The following LHFPL3 variants were observed in gnomAD, a reference collection of about 807,000 sequenced individuals.
The protein encoded by LHFPL3 is LHFPL tetraspan subfamily member 3 protein.
Under a neutral mutation model 19.3 loss-of-function variants are expected in LHFPL3, and 5 were observed. The observed-to-expected ratio is 0.26, with a 90% CI of 0.14 to 0.54. The LOEUF is 0.54. LHFPL3 is among the 20% of genes least tolerant of loss of function. LHFPL3 has a pLI of 0.94. For missense variants in LHFPL3, 249 were observed against 307.4 expected (o/e 0.81, Z 1.42); for synonymous variants, 133 against 126.2 (o/e 1.05, Z -0.36).
chr7:104,763,931 A>G lies in LHFPL3; in HGVS notation c.682+27020A>G, dbSNP rs559647049. On this transcript the variant is annotated intron_variant, in intron 2 of 2. Transcript: ENST00000424859. ...TAACTAATCCAGAAGGAAATTTCCAATAAGGATACATGGAAATATCACCTA... is the reference window on the plus strand; with the variant it reads ...TAACTAATCCAGAAGGAAATTTCCAGTAAGGATACATGGAAATATCACCTA... Among the ~76,000 whole-genome samples, 3 of 152,338 alleles carry G rather than the reference A, an allele frequency of 2.0e-5. No individual in the cohort carries two copies. The South Asian group carries it at 6.2e-4, about 32-fold the overall frequency.
intron 2 of LHFPL3, among the ~76,000 whole-genome samples, chr7:104,804,436 G>A (rs1790315100): frequency 6.6e-6 from 1 of 152,202 alleles, no homozygotes; most frequent in African/African-American, 2.4e-5. Flanking sequence ...GACCCCCAGT[G>A]ATCTCCACCT....
chr7:104,631,311 A>G (rs757260722), intron 1 of LHFPL3, among the ~76,000 whole-genome samples: 29 of 151,988 alleles, frequency 1.9e-4, no homozygotes, highest in Non-Finnish European at 4.0e-4. Flanking sequence ...GTGTAAAACC[A>G]TATTCACTAT....
chr7:104,768,745 G>T (rs2116391095), intron 2 of LHFPL3: 1 of 152,306 alleles, frequency 6.6e-6, no homozygotes, highest in East Asian at 1.9e-4. Flanking sequence ...CAACTTTGTT[G>T]CCACCTTCCA....
intron 1 of LHFPL3, among the ~76,000 whole-genome samples, chr7:104,447,573 A>G (rs966606351): frequency 6.6e-6 from 1 of 152,068 alleles, no homozygotes; most frequent in African/African-American, 2.4e-5. Flanking sequence ...GCATTTTCTT[A>G]GTATTGTATT....
intron 1 of LHFPL3, among the ~76,000 whole-genome samples, chr7:104,497,369 T>TTTTGAACA (rs1400648554): frequency 3.3e-5 from 5 of 150,178 alleles, no homozygotes; most frequent in African/African-American, 1.2e-4. Context: ...TAAAGTTTTC[T>TTTTGAACA]TTTGAACATT....
At chr7:104,595,899 G>A (rs1790842483) in intron 1 of LHFPL3, among the ~76,000 whole-genome samples, 1 of 152,274 alleles carries the variant, frequency 6.6e-6, no homozygotes, top group African/African-American at 2.4e-5. Context: ...TTGTCTGCCG[G>A]TTGCTAAGAC....
rs112543248 is a variant in LHFPL3 at position 104,667,264 on chromosome 7, T to TGGG, written c.446-69404_446-69402dup. Among the ~76,000 whole-genome samples, 1,470 of 148,110 alleles carry TGGG rather than the reference T, an allele frequency of 9.9e-3. 25 individuals are homozygous for TGGG. The highest frequency in any genetic ancestry group is 0.035 in the African/African-American group (1,368 of 38,888). ...CCCCTCCTACAATCATCTGTTTTCT[T>TGGG]GGGGGGGGGAATCTTTAATTGGCTT... On this transcript the variant is annotated intron_variant, in intron 1 of 2. Coordinates refer to ENST00000424859, the MANE Select transcript of LHFPL3 (RefSeq NM_199000.3).
At chr7:104,530,845 A>G (rs1794280764) in intron 1 of LHFPL3, among the ~76,000 whole-genome samples, 1 of 152,188 alleles carries the variant, frequency 6.6e-6, no homozygotes, top group Non-Finnish European at 1.5e-5. Flanking sequence ...AAGCAAGTCC[A>G]CTTTCTGAGG....
chr7:104,725,906 G>A (rs769517534), intron 1 of LHFPL3, among the ~76,000 whole-genome samples: 4 of 151,870 alleles, frequency 2.6e-5, no homozygotes, highest in Non-Finnish European at 5.9e-5. Flanking sequence ...CAAAAAATTA[G>A]CCAGGCATGG....
chr7:104,894,636 G>A (rs1263798985), intron 2 of LHFPL3: 1 of 152,152 alleles, frequency 6.6e-6, no homozygotes. Flanking sequence ...GAAAGTGTAT[G>A]AATTTTTTAT....
intron 2 of LHFPL3, among the ~76,000 whole-genome samples, chr7:104,841,905 C>A (rs990593001): frequency 3.3e-5 from 5 of 151,914 alleles, no homozygotes; most frequent in African/African-American, 1.2e-4. Context: ...CCACTCCTGA[C>A]ACCAGAGAAA....
intron 1 of LHFPL3, among the ~76,000 whole-genome samples, chr7:104,625,433 C>G (rs1449679627): frequency 6.6e-6 from 1 of 152,168 alleles, no homozygotes; most frequent in East Asian, 1.9e-4. Context: ...ACAAAATCCT[C>G]CCACTCATGG....
intron 2 of LHFPL3, among the ~76,000 whole-genome samples, chr7:104,829,799 G>A (rs12668824): frequency 0.3 from 45,957 of 151,694 alleles, 7,929 homozygotes; most frequent in East Asian, 0.55. Flanking sequence ...ATACGTGTGC[G>A]TGTGTCTTCA....
At chr7:104,565,506 A>G (rs1482268864) in intron 1 of LHFPL3, among the ~76,000 whole-genome samples, 2 of 152,234 alleles carry the variant, frequency 1.3e-5, no homozygotes, top group Admixed American at 6.5e-5. Context: ...TTGTGTTAAG[A>G]GAGAAGAGAA....
At chr7:104,396,346 A>T (rs1274312312) in intron 1 of LHFPL3, among the ~76,000 whole-genome samples, 5 of 152,174 alleles carry the variant, frequency 3.3e-5, no homozygotes, top group Non-Finnish European at 5.9e-5. Context: ...AAAGGACACA[A>T]AATAGCAATG....
intron 2 of LHFPL3, among the ~76,000 whole-genome samples, chr7:104,790,440 A>G (rs1421730846): frequency 1.3e-5 from 2 of 151,924 alleles, no homozygotes; most frequent in Non-Finnish European, 2.9e-5. Flanking sequence ...GGCCATACGT[A>G]TGTCTCCTTT....
chr7:104,782,831 C>T (rs1006829854), intron 2 of LHFPL3, among the ~76,000 whole-genome samples: 5 of 152,380 alleles, frequency 3.3e-5, no homozygotes, highest in African/African-American at 1.2e-4. Flanking sequence ...TGTCCACAAG[C>T]ATGCCATGCT....
At position 104,328,953 on chromosome 7, in the gene LHFPL3, C is replaced by G; in HGVS notation, c.174C>G (p.Pro58=). The change falls in exon 1 of 3, where the codon CCC becomes CCG. Residue 58 remains proline (P), a synonymous_variant. Coordinates refer to ENST00000424859, the MANE Select transcript of LHFPL3 (RefSeq NM_199000.3). The surrounding 1 kb of genome is among the most constrained non-coding windows in gnomAD (Gnocchi z 4.6). ...TCAACGTGGTGTGCTTCATCCAGCC[C>G]TACTGGATAGGCGACGGCGTGGACA... ...AIVNVVCFIQ[P]YWIGDGVDTP... 6.2e-7 allele frequency: 1 copy of G among 1,614,212 alleles called. No individual in the cohort carries two copies. The highest frequency in any genetic ancestry group is 8.5e-7 in the Non-Finnish European group (1 of 1,180,036).
At chr7:104,778,526 T>A (rs938466645) in intron 2 of LHFPL3, among the ~76,000 whole-genome samples, 7 of 152,214 alleles carry the variant, frequency 4.6e-5, no homozygotes, top group Non-Finnish European at 8.8e-5. Context: ...AACCCTTCAC[T>A]CTGTGTTTCT....
Sources: gnomAD v4.1 joint callset for allele counts (sites outside exome capture counted in the v4.1 genomes callset) on GRCh38, gnomAD v4.1.1 for gene constraint, Gnocchi (gnomAD v3.1) non-coding constraint, MANE v1.5 for transcripts, NCBI Gene and HGNC (gene_info 2026-07-23, HGNC 2026-07-21) for gene names.